Variants in SH3BGRL2 observed in about 807,000 individuals in gnomAD.
The protein encoded by SH3BGRL2 is SH3 domain binding glutamate rich protein like 2.
Under a neutral mutation model 14.8 loss-of-function variants are expected in SH3BGRL2, and 21 were observed. The ratio of observed to expected loss-of-function variants is 1.42; its 90% CI spans 1.01 to 2.05. The LOEUF (loss-of-function observed/expected upper bound fraction) is 2.05, where lower values mean the gene tolerates loss of function less well. Ranked by LOEUF, SH3BGRL2 falls within the 30% of genes most tolerant of loss-of-function variation. The probability of loss-of-function intolerance (pLI) is 0.00; values close to 1 mark genes in which losing one functional copy is unlikely to be tolerated. For missense variants in SH3BGRL2, 147 were observed against 130.8 expected, an observed-to-expected ratio of 1.12 and a Z score of -0.61; for synonymous variants, 50 against 47.8, an observed-to-expected ratio of 1.05 and a Z score of -0.19.
At chr6:79,560,035 AGAG>A in the SH3BGRL2 span, among the ~76,000 whole-genome samples, 7 of 152,158 alleles carry the variant, frequency 4.6e-5, no homozygotes, top group Non-Finnish European at 1.0e-4. Context: ...GAGAAGAGGA[AGAG>A]AAGAAGAAGA....
intron 1 of SH3BGRL2, among the ~76,000 whole-genome samples, chr6:79,639,648 C>T (rs1163532486): frequency 6.6e-6 from 1 of 152,140 alleles, no homozygotes; most frequent in African/African-American, 2.4e-5. Context: ...TTTTGAAATG[C>T]ATATTTAAAA....
intron 1 of SH3BGRL2, among the ~76,000 whole-genome samples, chr6:79,670,861 G>T (rs1582729986): frequency 6.6e-6 from 1 of 152,168 alleles, no homozygotes. Flanking sequence ...CTGCGTTTCT[G>T]CAAGTAAGCA....
At chr6:79,688,872 A>G (rs1770153802) in intron 2 of SH3BGRL2, among the ~76,000 whole-genome samples, 1 of 152,146 alleles carries the variant, frequency 6.6e-6, no homozygotes, top group South Asian at 2.1e-4. Flanking sequence ...TAAACATGAC[A>G]AAGAAAATAT....
At chr6:79,543,148 G>T in the SH3BGRL2 span, among the ~76,000 whole-genome samples, 1 of 152,178 alleles carries the variant, frequency 6.6e-6, no homozygotes, top group Admixed American at 6.5e-5. Context: ...AGATTTTCTA[G>T]TAGTCATGTT....
chr6:79,629,786 C>G (rs9448753), upstream of SH3BGRL2, among the ~76,000 whole-genome samples: 2,643 of 152,064 alleles, frequency 0.017, 79 homozygotes, highest in African/African-American at 0.06. Context: ...TTTTTCTTTC[C>G]TAGACAATAG....
intron 1 of SH3BGRL2, among the ~76,000 whole-genome samples, chr6:79,647,740 T>C (rs1769172184): frequency 6.6e-6 from 1 of 152,200 alleles, no homozygotes; most frequent in Non-Finnish European, 1.5e-5. Context: ...TGGCTGTTTT[T>C]AAGATTCTAA....
rs1392369918 is a variant in SH3BGRL2, at chr6:79,700,183, A to G, written c.*674A>G. ...AGTTACTGGGATGACAATAATTGCTATTTGAAATATATGCTTCTTTATTTC... is the reference window on the plus strand; with the variant it reads ...AGTTACTGGGATGACAATAATTGCTGTTTGAAATATATGCTTCTTTATTTC... On this transcript the variant is annotated 3_prime_UTR_variant, in exon 4 of 4. Coordinates refer to ENST00000369838, the MANE Select transcript of SH3BGRL2 (RefSeq NM_031469.4). 1 of 152,182 alleles carries G rather than the reference A, an allele frequency of 6.6e-6. No homozygotes were observed. The highest frequency in any genetic ancestry group is 2.4e-5 in the African/African-American group (1 of 41,450). The allele number at this position is 152,182 out of a possible 1,614,324, so 9.4% of individuals were successfully genotyped here. A position where few individuals can be genotyped will look rare whatever the true frequency, so the allele number is the denominator to read the frequency against.
chr6:79,691,763 C>T (rs1770222285), intron 2 of SH3BGRL2, among the ~76,000 whole-genome samples: 1 of 151,590 alleles, frequency 6.6e-6, no homozygotes, highest in Admixed American at 6.6e-5. Flanking sequence ...CATTGTTGGA[C>T]ATTTGGGTTG....
the SH3BGRL2 span, among the ~76,000 whole-genome samples, chr6:79,539,366 A>G: frequency 6.6e-6 from 1 of 152,212 alleles, no homozygotes; most frequent in Admixed American, 6.5e-5. Flanking sequence ...TCTGCTTTTC[A>G]GAAATAAAGG....
the SH3BGRL2 span, among the ~76,000 whole-genome samples, chr6:79,583,013 C>T: frequency 2.0e-5 from 3 of 152,168 alleles, no homozygotes; most frequent in Admixed American, 2.0e-4. Context: ...ATCTATGCAG[C>T]CAACAGACAC....
In SH3BGRL2 at chr6:79,703,610, C is replaced by T. The variant is rs115598364; in HGVS notation, c.*4101C>T. 2.0e-3 allele frequency: 311 copies of T among 152,218 alleles called. 1 individual carries two copies. Among genetic ancestry groups the T allele is most frequent in the African/African-American group, 7.2e-3 (298 of 41,550 alleles). 9.4% of individuals were successfully genotyped at this position (152,218 alleles called of 1,614,324 possible). A position where few individuals can be genotyped will look rare whatever the true frequency, so the allele number is the denominator to read the frequency against. The stretch of plus-strand genomic sequence containing the variant: ...GCCTTCTTGTCTTTCATCACTTTAT[C>T]TCCATGTATGTATCCTTAAAGAATA... On this transcript the variant is annotated 3_prime_UTR_variant, in exon 4 of 4. Transcript: ENST00000369838.
At chr6:79,601,894 A>G in the SH3BGRL2 span, among the ~76,000 whole-genome samples, 1 of 152,026 alleles carries the variant, frequency 6.6e-6, no homozygotes, top group Non-Finnish European at 1.5e-5. Flanking sequence ...AAAAATATGC[A>G]ACTACAATAG....
chr6:79,644,986 C>A (rs1769100199), intron 1 of SH3BGRL2, among the ~76,000 whole-genome samples: 1 of 151,758 alleles, frequency 6.6e-6, no homozygotes, highest in Non-Finnish European at 1.5e-5. Flanking sequence ...GTGGTGAAAC[C>A]CTGTCTCTAC....
the SH3BGRL2 span, among the ~76,000 whole-genome samples, chr6:79,617,829 C>G: frequency 6.6e-6 from 1 of 152,140 alleles, no homozygotes; most frequent in Non-Finnish European, 1.5e-5. Context: ...TTGCAACAAT[C>G]AGGAGGCACT....
the SH3BGRL2 span, among the ~76,000 whole-genome samples, chr6:79,571,390 A>G: frequency 1.3e-5 from 2 of 152,362 alleles, no homozygotes; most frequent in Admixed American, 1.3e-4. Context: ...AACCTGTAAG[A>G]AGTCAAAATC....
the SH3BGRL2 span, among the ~76,000 whole-genome samples, chr6:79,617,376 A>G: frequency 6.6e-6 from 1 of 152,148 alleles, no homozygotes; most frequent in Non-Finnish European, 1.5e-5. Context: ...CTCTCCTAAG[A>G]ATATGGACAT....
At chr6:79,627,113 C>T (rs927517942), upstream of SH3BGRL2, among the ~76,000 whole-genome samples, 6 of 152,134 alleles carry the variant, frequency 3.9e-5, no homozygotes, top group African/African-American at 1.2e-4. Context: ...TCTTTTTACT[C>T]ATTTCAGTCC....
the SH3BGRL2 span, among the ~76,000 whole-genome samples, chr6:79,600,852 C>T: frequency 1.1e-4 from 17 of 152,162 alleles, no homozygotes; most frequent in Non-Finnish European, 1.5e-4. Flanking sequence ...GTGACATTTA[C>T]CCAGTTGCCC....
At chr6:79,597,746 G>T in the SH3BGRL2 span, among the ~76,000 whole-genome samples, 1 of 152,188 alleles carries the variant, frequency 6.6e-6, no homozygotes, top group African/African-American at 2.4e-5. Context: ...AGCACCAGAA[G>T]AGAAGAGATA....
Sources: allele counts gnomAD v4.1 joint callset (sites outside exome capture counted in the v4.1 genomes callset), GRCh38; gene constraint gnomAD v4.1.1; transcripts MANE v1.5; gene names NCBI Gene and HGNC (gene_info 2026-07-23, HGNC 2026-07-21).